ARMC9: variants seen among roughly 807,000 people sequenced by gnomAD.
The protein encoded by ARMC9 is lisH domain-containing protein ARMC9.
A neutral mutation model predicts 107.0 loss-of-function variants in ARMC9; 94 were observed. The ratio of observed to expected loss-of-function variants is 0.88; its 90% CI spans 0.74 to 1.04. ARMC9 has a LOEUF of 1.04. ARMC9 is among the 50% of genes least tolerant of loss of function. The probability of loss-of-function intolerance (pLI) is 0.00; values close to 1 mark genes in which losing one functional copy is unlikely to be tolerated. For synonymous variants in ARMC9, 380 were observed against 396.9 expected (o/e 0.96, Z 0.51); for missense variants, 942 against 1,030.1 (o/e 0.91, Z 1.17).
intron 9 of ARMC9, among the ~76,000 whole-genome samples, chr2:231,247,696 C>T (rs2036905212): frequency 6.6e-6 from 1 of 152,130 alleles, no homozygotes; most frequent in African/African-American, 2.4e-5. Flanking sequence ...TTTGGGAGGC[C>T]GAGGCAGGCA....
intron 19 of ARMC9, among the ~76,000 whole-genome samples, chr2:231,307,193 C>G (rs2042080522): frequency 6.6e-6 from 1 of 152,198 alleles, no homozygotes; most frequent in South Asian, 2.1e-4. Flanking sequence ...GGGAGTCACA[C>G]AAGGAAGCAC....
In ARMC9 at chr2:231,256,530, G is replaced by A. The variant is rs568243247; in HGVS notation, c.880-56G>A. 4 of 1,582,978 alleles carry A rather than the reference G, an allele frequency of 2.5e-6. No homozygotes were observed. The East Asian group carries it at 6.7e-5, about 27-fold the overall frequency. ...ATGCTATTAGGGTGATTTGGGATCC[G>A]TGCATTGCTATCAGTGTTTAACACC... On this transcript the variant is annotated intron_variant, in intron 9 of 24. Coordinates refer to ENST00000611582, the MANE Select transcript of ARMC9 (RefSeq NM_001352754.2).
chr2:231,230,893 A>G (rs966717227), intron 7 of ARMC9, among the ~76,000 whole-genome samples: 7 of 152,234 alleles, frequency 4.6e-5, no homozygotes, highest in African/African-American at 1.7e-4. Context: ...GGTTGAATCC[A>G]CAGGTGCAGT....
intron 19 of ARMC9, among the ~76,000 whole-genome samples, chr2:231,323,925 G>A (rs1158710124): frequency 6.6e-6 from 1 of 152,158 alleles, no homozygotes; most frequent in Non-Finnish European, 1.5e-5. Context: ...GGCAGCGGAA[G>A]CCAACTGTCC....
intron 1 of ARMC9, chr2:231,199,074 C>T (rs932856970): frequency 2.0e-4 from 30 of 152,340 alleles, no homozygotes; most frequent in African/African-American, 7.0e-4. Flanking sequence ...CTGCTAGCCG[C>T]GTTCCTGAGG....
At chr2:231,219,047 C>G (rs766854990) in intron 5 of ARMC9, among the ~76,000 whole-genome samples, 1 of 152,104 alleles carries the variant, frequency 6.6e-6, no homozygotes, top group Non-Finnish European at 1.5e-5. Context: ...CCATCACGCC[C>G]AGCCATAAAG....
chr2:231,224,446 C>T (rs2034454163), intron 6 of ARMC9, among the ~76,000 whole-genome samples: 1 of 152,020 alleles, frequency 6.6e-6, no homozygotes, highest in African/African-American at 2.4e-5. Context: ...TAGTGAGACC[C>T]TGTCTCAAAA....
At chr2:231,357,002 G>C (rs930655650) in intron 22 of ARMC9, among the ~76,000 whole-genome samples, 3 of 152,186 alleles carry the variant, frequency 2.0e-5, no homozygotes, top group Non-Finnish European at 2.9e-5. Flanking sequence ...CCACTGAGAG[G>C]CCCTTTATTT....
At position 231,333,881 on chromosome 2, in the gene ARMC9, A is replaced by G. The variant is rs910279042; in HGVS notation, c.1878+1984A>G. 3.3e-5 allele frequency among the ~76,000 whole-genome samples: 5 copies of G among 152,364 alleles called. No individual in the cohort carries two copies. In the East Asian group the frequency reaches 7.7e-4, roughly 24 times the overall value. The stretch of plus-strand genomic sequence containing the variant: ...TAATCTAGAGGACCTCTCCCCGGCA[A>G]AATGCCATGGGGGAGGATCTTCTGT... On this transcript the variant is annotated intron_variant, in intron 20 of 24. Transcript: ENST00000611582.
intron 1 of ARMC9, among the ~76,000 whole-genome samples, chr2:231,201,945 T>C (rs1321912088): frequency 2.0e-5 from 3 of 151,038 alleles, no homozygotes; most frequent in African/African-American, 7.3e-5. Flanking sequence ...CACTCTCCCT[T>C]CTCTTCGAAC....
At chr2:231,306,579 T>C (rs1055974986) in intron 19 of ARMC9, among the ~76,000 whole-genome samples, 1 of 152,042 alleles carries the variant, frequency 6.6e-6, no homozygotes, top group African/African-American at 2.4e-5. Context: ...GCATGACAGA[T>C]CCAACAAAGT....
chr2:231,331,442 A>T (rs2043728148), intron 19 of ARMC9, among the ~76,000 whole-genome samples: 1 of 137,436 alleles, frequency 7.3e-6, no homozygotes, highest in Non-Finnish European at 1.6e-5. Context: ...CCTGTGTATG[A>T]CTGACTGGCT....
chr2:231,279,078 G>A lies in ARMC9; in HGVS notation c.1551+620G>A, dbSNP rs542637674. Among the ~76,000 whole-genome samples the A allele has an allele frequency of 5.9e-5, 9 of 152,298 alleles. No homozygotes were observed. The East Asian group carries it at 1.2e-3, about 20-fold the overall frequency. On this transcript the variant is annotated intron_variant, in intron 16 of 24. Coordinates refer to ENST00000611582, the MANE Select transcript of ARMC9 (RefSeq NM_001352754.2). ...GCATGGCTGCACCTGCCCCATGGGA[G>A]CCTGTGCCAGAGCTTCCAGGGATGT... is the stretch of plus-strand genomic sequence containing the variant.
chr2:231,323,390 G>A (rs1421633244), intron 19 of ARMC9, among the ~76,000 whole-genome samples: 1 of 152,230 alleles, frequency 6.6e-6, no homozygotes, highest in Non-Finnish European at 1.5e-5. Flanking sequence ...CTATCAGCAA[G>A]CTTCATTGCT....
chr2:231,319,881 G>A (rs1288939494), intron 19 of ARMC9, among the ~76,000 whole-genome samples: 1 of 152,028 alleles, frequency 6.6e-6, no homozygotes, highest in African/African-American at 2.4e-5. Flanking sequence ...TAATATAACA[G>A]ACAGCTGTGG....
At chr2:231,261,172 T>A (rs184040988) in intron 11 of ARMC9, among the ~76,000 whole-genome samples, 1 of 152,300 alleles carries the variant, frequency 6.6e-6, no homozygotes, top group East Asian at 1.9e-4. Context: ...AGGATTTTTA[T>A]CTAGTAGGAT....
At chr2:231,236,063 C>T (rs1432677040) in intron 8 of ARMC9, among the ~76,000 whole-genome samples, 1 of 152,192 alleles carries the variant, frequency 6.6e-6, no homozygotes, top group Non-Finnish European at 1.5e-5. Flanking sequence ...CTGGGGATTA[C>T]AGGTGTGAGC....
At chr2:231,243,164 A>G (rs902366538) in intron 9 of ARMC9, among the ~76,000 whole-genome samples, 1 of 151,832 alleles carries the variant, frequency 6.6e-6, no homozygotes, top group Non-Finnish European at 1.5e-5. Flanking sequence ...GAAGAATGGC[A>G]TGAACCCGGG....
chr2:231,342,446 C>T (rs16827966), intron 20 of ARMC9, among the ~76,000 whole-genome samples: 3,700 of 152,204 alleles, frequency 0.024, 160 homozygotes, highest in African/African-American at 0.084. Flanking sequence ...CTCAGATGAC[C>T]GCTGACAGTG....
Sources: allele counts gnomAD v4.1 joint callset (sites outside exome capture counted in the v4.1 genomes callset), GRCh38; gene constraint gnomAD v4.1.1; transcripts MANE v1.5; gene names NCBI Gene and HGNC (gene_info 2026-07-23, HGNC 2026-07-21).